Variants in TPH2 observed in about 807,000 individuals in gnomAD.
TPH2 encodes the protein tryptophan hydroxylase 2.
TPH2 carries 27 observed loss-of-function variants against 59.1 expected under a neutral mutation model. The observed-to-expected ratio is 0.46, with a 90% confidence interval of 0.34 to 0.63. The LOEUF is 0.63. TPH2 is among the 30% of genes least tolerant of loss of function. TPH2 has a pLI of 0.01. For missense variants in TPH2, 523 were observed against 588.3 expected, an observed-to-expected ratio of 0.89 and a Z score of 1.15; for synonymous variants, 220 against 210.5, an observed-to-expected ratio of 1.05 and a Z score of -0.39.
At chr12:71,940,782 A>T (rs1871036004) in intron 1 of TPH2, among the ~76,000 whole-genome samples, 1 of 152,232 alleles carries the variant, frequency 6.6e-6, no homozygotes, top group Admixed American at 6.5e-5. Flanking sequence ...CAGGATTAAT[A>T]GACATTACTT....
At chr12:72,010,376 G>T (rs1314884858) in intron 8 of TPH2, among the ~76,000 whole-genome samples, 3 of 152,246 alleles carry the variant, frequency 2.0e-5, no homozygotes, top group Admixed American at 2.0e-4. Flanking sequence ...ATGTGACGGG[G>T]ACCCCAGCTC....
intron 7 of TPH2, 92 bp downstream of exon 7, chr12:71,979,179 A>C: frequency 2.6e-6 from 4 of 1,547,026 alleles, no homozygotes; most frequent in Non-Finnish European, 3.6e-6. Context: ...TTTTACCTCC[A>C]AACTAATTTC....
intron 7 of TPH2, among the ~76,000 whole-genome samples, chr12:71,993,535 G>A (rs1872627063): frequency 6.6e-6 from 1 of 152,198 alleles, no homozygotes; most frequent in Non-Finnish European, 1.5e-5. Context: ...GTATTGTCGT[G>A]AAAGATACCT....
At chr12:71,969,231 C>A (rs558161447) in intron 5 of TPH2, among the ~76,000 whole-genome samples, 1 of 152,006 alleles carries the variant, frequency 6.6e-6, no homozygotes, top group South Asian at 2.1e-4. Flanking sequence ...TGCAGTGAGC[C>A]GGGATTACAC....
At chr12:71,940,255 G>A (rs559070299) in intron 1 of TPH2, among the ~76,000 whole-genome samples, 1 of 152,230 alleles carries the variant, frequency 6.6e-6, no homozygotes, top group Admixed American at 6.5e-5. Flanking sequence ...GTGGTGAGGA[G>A]GAGGCAGATG....
chr12:71,939,668 T>C (rs1312727863), intron 1 of TPH2, among the ~76,000 whole-genome samples: 1 of 152,206 alleles, frequency 6.6e-6, no homozygotes, highest in East Asian at 1.9e-4. Flanking sequence ...TTTTTCAGTT[T>C]ACTTGATGGA....
chr12:72,019,983 C>T lies in TPH2; in HGVS notation c.1069-2416C>T, dbSNP rs114218135. On this transcript the variant is annotated intron_variant, in intron 8 of 10. Coordinates refer to ENST00000333850, the MANE Select transcript of TPH2 (RefSeq NM_173353.4). ...TCTTCCAGGTCATTCTGCCACATGC[C>T]AGCTTAACTTAGAGATCATTAATTC... is the stretch of plus-strand genomic sequence containing the variant. Among the ~76,000 whole-genome samples, 1,035 of 152,282 alleles carry T rather than the reference C, an allele frequency of 6.8e-3. 11 individuals carry two copies. The highest frequency in any genetic ancestry group is 0.023 in the African/African-American group (975 of 41,568).
At chr12:71,970,059 T>A (rs946534545) in intron 5 of TPH2, among the ~76,000 whole-genome samples, 1 of 152,228 alleles carries the variant, frequency 6.6e-6, no homozygotes, top group Admixed American at 6.5e-5. Context: ...ATGGAAAATT[T>A]CTGATTTTTT....
intron 5 of TPH2, among the ~76,000 whole-genome samples, chr12:71,968,620 C>T (rs952629136): frequency 6.6e-6 from 1 of 152,236 alleles, no homozygotes; most frequent in Non-Finnish European, 1.5e-5. Flanking sequence ...AAGTGCCCTA[C>T]TCCACTTCTC....
In TPH2 at chr12:71,944,398, T is replaced by C. The variant is rs780521084; in HGVS notation, c.360T>C (p.Asn120=). The change falls in exon 3 of 11, where the codon AAT becomes AAC. Residue 120 remains asparagine, a synonymous_variant. Transcript: ENST00000333850. ...GTGAGTGTGGGAAAACAGAATTCAA[T>C]GAGCTCATTCAGTTGCTGAAATTTC... ...VDCECGKTEF[N]ELIQLLKFQT... The C allele has an allele frequency of 6.2e-7, 1 of 1,613,994 alleles. No individual in the cohort carries two copies. The highest frequency in any genetic ancestry group is 8.5e-7 in the Non-Finnish European group (1 of 1,179,886).
chr12:72,012,883 A>C (rs985971991), intron 8 of TPH2, among the ~76,000 whole-genome samples: 4 of 152,150 alleles, frequency 2.6e-5, no homozygotes, highest in African/African-American at 9.7e-5. Flanking sequence ...CCTTCTTTGC[A>C]GTTGAAAATG....
Position 72,031,603 on chromosome 12 carries a change from A to C in TPH2, c.1381A>C (p.Arg461=). The change falls in exon 11 of 11, where the codon AGA becomes CGA. Residue 461 remains arginine, a synonymous_variant. Transcript: ENST00000333850. ...TQSIEILKDT[R]SIENVVQDLR... is the part of the protein sequence containing the mutation. The stretch of plus-strand genomic sequence containing the variant: ...GAGTATTGAAATTCTGAAAGACACC[A>C]GAAGTATTGAAAATGTGGTGCAGGA... The C allele has an allele frequency of 6.2e-7, 1 of 1,613,680 alleles. No homozygotes were observed. Among genetic ancestry groups the C allele is most frequent in the Non-Finnish European group, 8.5e-7 (1 of 1,179,642 alleles).
At chr12:71,992,519 G>A (rs1872603731) in intron 7 of TPH2, among the ~76,000 whole-genome samples, 1 of 151,512 alleles carries the variant, frequency 6.6e-6, no homozygotes, top group Non-Finnish European at 1.5e-5. Flanking sequence ...TGGGAGGATC[G>A]CTTGAGCCCA....
chr12:72,004,193 T>A (rs1172094869), intron 8 of TPH2, among the ~76,000 whole-genome samples: 1 of 150,578 alleles, frequency 6.6e-6, no homozygotes, highest in Admixed American at 6.7e-5. Flanking sequence ...CAGCTGGGTT[T>A]GAGTGTTAGA....
At chr12:71,965,240 G>A (rs1321442819) in intron 5 of TPH2, 1 of 152,132 alleles carries the variant, frequency 6.6e-6, no homozygotes, top group Non-Finnish European at 1.5e-5. Context: ...GTGCTGCAGT[G>A]AACTTCCGCA....
chr12:71,957,327 A>ATTTTTT (rs35425528), intron 5 of TPH2, among the ~76,000 whole-genome samples: 43 of 95,590 alleles, frequency 4.5e-4, no homozygotes, highest in African/African-American at 7.1e-4. Context: ...TGAGTAAAGG[A>ATTTTTT]TTTTTTTTTT....
chr12:71,980,846 C>T (rs577413044), intron 7 of TPH2, among the ~76,000 whole-genome samples: 32 of 152,270 alleles, frequency 2.1e-4, no homozygotes, highest in South Asian at 4.2e-4. Context: ...AAAGTACTTT[C>T]GGCCAATTCA....
At chr12:72,019,154 C>T (rs1293793476) in intron 8 of TPH2, among the ~76,000 whole-genome samples, 1 of 152,150 alleles carries the variant, frequency 6.6e-6, no homozygotes, top group Non-Finnish European at 1.5e-5. Flanking sequence ...TGGTTCTTCT[C>T]CTAAGGGCTC....
At chr12:71,950,406 A>AG (rs1445172810) in intron 5 of TPH2, among the ~76,000 whole-genome samples, 1 of 151,922 alleles carries the variant, frequency 6.6e-6, no homozygotes, top group African/African-American at 2.4e-5. Context: ...TTACAGTCAA[A>AG]GGGGGGTTGT....
Sources: allele counts gnomAD v4.1 joint callset (sites outside exome capture counted in the v4.1 genomes callset), GRCh38; gene constraint gnomAD v4.1.1; transcripts MANE v1.5; gene names NCBI Gene and HGNC (gene_info 2026-07-23, HGNC 2026-07-21).